The following LIMCH1 variants were observed in gnomAD, a reference collection of about 807,000 sequenced individuals.
The protein encoded by LIMCH1 is LIM and calponin homology domains 1.
Under a neutral mutation model 176.5 loss-of-function variants are expected in LIMCH1, and 113 were observed. The ratio of observed to expected loss-of-function variants is 0.64; its 90% CI spans 0.55 to 0.75. The LOEUF is 0.75. Ranked by LOEUF, LIMCH1 falls within the 30% of genes least tolerant of loss-of-function variation. The pLI, the probability that LIMCH1 is intolerant of heterozygous loss-of-function variation, is 0.00. For missense variants in LIMCH1, 1,674 were observed against 1,814.9 expected (o/e 0.92, Z 1.41); for synonymous variants, 619 against 645.9 (o/e 0.96, Z 0.63).
intron 1 of LIMCH1, among the ~76,000 whole-genome samples, chr4:41,541,991 G>C (rs771902923): frequency 6.6e-6 from 1 of 152,132 alleles, no homozygotes; most frequent in Non-Finnish European, 1.5e-5. Flanking sequence ...CTGAAAAGCC[G>C]AACTCAGCCA....
At chr4:41,661,090 C>A (rs1315370402) in intron 18 of LIMCH1, among the ~76,000 whole-genome samples, 1 of 133,056 alleles carries the variant, frequency 7.5e-6, no homozygotes, top group Non-Finnish European at 1.6e-5. Context: ...GGTGTTATGA[C>A]CCTAAGCCAG....
intron 1 of LIMCH1, among the ~76,000 whole-genome samples, chr4:41,478,158 A>G (rs2068030904): frequency 6.6e-6 from 1 of 152,228 alleles, no homozygotes; most frequent in African/African-American, 2.4e-5. Flanking sequence ...AATGTAACAC[A>G]AGTACAGAGA....
intron 1 of LIMCH1, among the ~76,000 whole-genome samples, chr4:41,396,619 G>A (rs1297783316): frequency 6.6e-6 from 1 of 152,102 alleles, no homozygotes; most frequent in Non-Finnish European, 1.5e-5. Flanking sequence ...AAGCTCTGAA[G>A]GCCAGGTGCA....
chr4:41,412,572 T>C (rs532234347), intron 1 of LIMCH1, among the ~76,000 whole-genome samples: 2 of 152,332 alleles, frequency 1.3e-5, no homozygotes, highest in Admixed American at 1.3e-4. Flanking sequence ...AGTTTATATA[T>C]GTATGCATGT....
At chr4:41,598,106 G>T (rs2089254170) in intron 1 of LIMCH1, among the ~76,000 whole-genome samples, 1 of 152,142 alleles carries the variant, frequency 6.6e-6, no homozygotes, top group Non-Finnish European at 1.5e-5. Flanking sequence ...AAGTCTTTTA[G>T]GAAGAGAACA....
At chr4:41,555,509 C>T (rs1472766748) in intron 1 of LIMCH1, among the ~76,000 whole-genome samples, 1 of 152,148 alleles carries the variant, frequency 6.6e-6, no homozygotes, top group Non-Finnish European at 1.5e-5. Context: ...ACTAATCCAG[C>T]ATTCAAAATG....
Position 41,642,857 on chromosome 4 carries a change from G to A in LIMCH1, c.2127-1643G>A, listed in dbSNP as rs527806491. Among the ~76,000 whole-genome samples, 3 of 151,934 alleles carry A rather than the reference G, an allele frequency of 2.0e-5. No individual in the cohort carries two copies. In the East Asian group the frequency reaches 5.8e-4, roughly 29 times the overall value. On this transcript the variant is annotated intron_variant, in intron 14 of 31. Transcript: ENST00000503057. ...GCCTCCCAGAGTGCTGGGATTACAG[G>A]CGTGAGCCACCACACCTGGCCCAGC...
intron 1 of LIMCH1, among the ~76,000 whole-genome samples, chr4:41,369,627 A>G (rs564899776): frequency 1.3e-5 from 2 of 151,968 alleles, no homozygotes; most frequent in East Asian, 3.9e-4. Flanking sequence ...CCTGAGCCTC[A>G]GTTTTTGCCT....
chr4:41,496,137 C>A (rs944975345), intron 2 of LIMCH1, among the ~76,000 whole-genome samples: 5 of 152,226 alleles, frequency 3.3e-5, no homozygotes, highest in African/African-American at 4.8e-5. Context: ...AAAATCTGAT[C>A]TAATTCATGC....
chr4:41,575,956 A>T (rs1038398342), intron 1 of LIMCH1, among the ~76,000 whole-genome samples: 2 of 152,228 alleles, frequency 1.3e-5, no homozygotes, highest in Admixed American at 1.3e-4. Flanking sequence ...GAAAAAAGGC[A>T]GGTTTCTATC....
chr4:41,426,001 A>C (rs1176343319), intron 1 of LIMCH1, among the ~76,000 whole-genome samples: 1 of 149,332 alleles, frequency 6.7e-6, no homozygotes, highest in African/African-American at 2.5e-5. Flanking sequence ...ATGAAATCTG[A>C]GAGAGTGAAA....
At chr4:41,569,779 T>C (rs2083278134) in intron 1 of LIMCH1, among the ~76,000 whole-genome samples, 1 of 152,194 alleles carries the variant, frequency 6.6e-6, no homozygotes, top group South Asian at 2.1e-4. Flanking sequence ...AAAATGCCAC[T>C]AAAAGCAGAT....
chr4:41,374,216 G>T (rs935281572), intron 1 of LIMCH1, among the ~76,000 whole-genome samples: 6 of 152,154 alleles, frequency 3.9e-5, no homozygotes, highest in African/African-American at 1.4e-4. Flanking sequence ...GGGCAGGAGG[G>T]TAGAGGTAGG....
intron 22 of LIMCH1, among the ~76,000 whole-genome samples, chr4:41,674,921 A>T (rs914234326): frequency 2.0e-5 from 3 of 152,188 alleles, no homozygotes; most frequent in Non-Finnish European, 2.9e-5. Flanking sequence ...GACCATCTGT[A>T]TGCACAATTA....
At chr4:41,581,854 G>T (rs1191235461) in intron 1 of LIMCH1, among the ~76,000 whole-genome samples, 1 of 146,812 alleles carries the variant, frequency 6.8e-6, no homozygotes, top group Non-Finnish European at 1.5e-5. Flanking sequence ...CCACAAGTGA[G>T]ATCATACAGA....
chr4:41,660,953 T>C (rs182569660), intron 18 of LIMCH1, among the ~76,000 whole-genome samples: 3 of 152,198 alleles, frequency 2.0e-5, no homozygotes, highest in Non-Finnish European at 4.4e-5. Context: ...AGAGATTCAC[T>C]GGGAGCCCAG....
rs1321414617 is a variant in LIMCH1, at chr4:41,582,011, T to C, written c.-240-16909T>C. Among the ~76,000 whole-genome samples the C allele has an allele frequency of 2.6e-5, 4 of 152,148 alleles. No homozygotes were observed. The East Asian group carries it at 5.8e-4, about 22-fold the overall frequency. On this transcript the variant is annotated intron_variant, in intron 1 of 31. Coordinates refer to ENST00000503057, the MANE Select transcript of LIMCH1 (RefSeq NM_001330672.2). Reference sequence around the variant, plus strand: ...CAGATTTTCTTTATCCGTTCATCCATTGAAGGACACATAGGTTGTTCCCAT... The same window carrying C: ...CAGATTTTCTTTATCCGTTCATCCACTGAAGGACACATAGGTTGTTCCCAT...
chr4:41,447,464 T>C (rs778510254), intron 1 of LIMCH1, among the ~76,000 whole-genome samples: 8 of 152,206 alleles, frequency 5.3e-5, no homozygotes, highest in Non-Finnish European at 1.0e-4. Flanking sequence ...CAATCCAAAC[T>C]AGATGACTGT....
chr4:41,476,059 ACTC>A (rs2067691256), intron 1 of LIMCH1, among the ~76,000 whole-genome samples: 1 of 152,072 alleles, frequency 6.6e-6, no homozygotes, highest in African/African-American at 2.4e-5. Context: ...GTAACCTTGA[ACTC>A]CTGGGCTCAA....
Sources: gnomAD v4.1 joint callset for allele counts (sites outside exome capture counted in the v4.1 genomes callset) on GRCh38, gnomAD v4.1.1 for gene constraint, MANE v1.5 for transcripts, NCBI Gene and HGNC (gene_info 2026-07-23, HGNC 2026-07-21) for gene names.